The following SELENOK variants were observed in gnomAD, a reference collection of about 807,000 sequenced individuals.
SELENOK encodes selenoprotein K.
Under a neutral mutation model 17.3 loss-of-function variants are expected in SELENOK, and 11 were observed. The observed-to-expected ratio is 0.63, with a 90% CI of 0.40 to 1.05. SELENOK has a LOEUF of 1.05. SELENOK is among the 50% of genes least tolerant of loss of function. The pLI is 0.00. For synonymous variants in SELENOK, 45 were observed against 35.4 expected, an observed-to-expected ratio of 1.27 and a Z score of -0.97; for missense variants, 125 against 113.9, an observed-to-expected ratio of 1.10 and a Z score of -0.44.
chr3:53,889,097 T>G (rs1481108297), intron 1 of SELENOK, among the ~76,000 whole-genome samples: 1 of 152,074 alleles, frequency 6.6e-6, no homozygotes, highest in African/African-American at 2.4e-5. Context: ...AAACAAAAAT[T>G]TATCATGGTT....
intron 2 of SELENOK, 68 bp from the exon 3 acceptor site, chr3:53,887,002 T>G: frequency 8.2e-7 from 1 of 1,220,562 alleles, no homozygotes; most frequent in Non-Finnish European, 1.1e-6. Context: ...ATTTCCATGT[T>G]TTTTAACCAT....
At chr3:53,887,151 TTTC>T (rs2107089101) in intron 2 of SELENOK, among the ~76,000 whole-genome samples, 1 of 152,340 alleles carries the variant, frequency 6.6e-6, no homozygotes, top group South Asian at 2.1e-4. Flanking sequence ...CTTCCTTGTA[TTTC>T]TTATTTGCTA....
intron 3 of SELENOK, among the ~76,000 whole-genome samples, chr3:53,886,623 A>T (rs1336317426): frequency 1.3e-5 from 2 of 152,172 alleles, no homozygotes; most frequent in Admixed American, 6.5e-5. Flanking sequence ...TTCACCCTCT[A>T]ATTTAGACTT....
rs1700115024 is a variant in SELENOK at position 53,885,201 on chromosome 3, C to T, written c.*357G>A. 1.1e-5 allele frequency: 2 copies of T among 181,162 alleles called. No individual in the cohort carries two copies. The highest frequency in any genetic ancestry group is 4.7e-5 in the African/African-American group (2 of 42,558). 11.2% of individuals were successfully genotyped at this position (181,162 alleles called of 1,614,324 possible). ...AGTTGAAAAGGTGACACTAACAGTG[C>T]TAAATACACAGGCTTTTATTTGTTT... On this transcript the variant is annotated 3_prime_UTR_variant, in exon 5 of 5. Coordinates refer to ENST00000495461, the MANE Select transcript of SELENOK (RefSeq NM_021237.5).
rs1700142352 is a variant in SELENOK at position 53,888,448 on chromosome 3, T to C, written c.55A>G (p.Arg19Gly). ...AAGAAATCTGTTATCAAAGATAATC[T>C]CCATGGAGACTGACTCCGGCTGTCC... ...VLDSRSQSPWRLSLITDFFWG... is the reference protein window; with the variant it reads ...VLDSRSQSPWGLSLITDFFWG... The change falls in exon 2 of 5, where the codon AGA (arginine) becomes GGA (glycine). Residue 19 changes from arginine to glycine, a missense_variant. By Grantham distance (125) the Arg-to-Gly change is moderately radical. Coordinates refer to ENST00000495461, the MANE Select transcript of SELENOK (RefSeq NM_021237.5). 1 of 1,612,328 alleles carries C rather than the reference T, an allele frequency of 6.2e-7. No individual in the cohort carries two copies. Among genetic ancestry groups the C allele is most frequent in the Non-Finnish European group, 8.5e-7 (1 of 1,179,618 alleles).
At chr3:53,886,426 G>A (rs1256978156) in intron 3 of SELENOK, among the ~76,000 whole-genome samples, 1 of 152,142 alleles carries the variant, frequency 6.6e-6, no homozygotes, top group African/African-American at 2.4e-5. Context: ...AGTAGAGACG[G>A]GGTTTCATCA....
intron 2 of SELENOK, among the ~76,000 whole-genome samples, chr3:53,887,808 T>C (rs770880194): frequency 3.9e-5 from 6 of 152,222 alleles, no homozygotes; most frequent in Non-Finnish European, 7.3e-5. Flanking sequence ...CTCAAATATA[T>C]ATTCAAATTT....
chr3:53,884,968 T>G lies in SELENOK; in HGVS notation c.*590A>C, dbSNP rs1700113719. The G allele has an allele frequency of 6.6e-6, 1 of 152,262 alleles. No individual in the cohort carries two copies. The highest frequency in any genetic ancestry group is 1.5e-5 in the Non-Finnish European group (1 of 68,044). The allele number at this position is 152,262 out of a possible 1,614,324, so 9.4% of individuals were successfully genotyped here. A position where few individuals can be genotyped will look rare whatever the true frequency, so the allele number is the denominator to read the frequency against. On this transcript the variant is annotated 3_prime_UTR_variant, in exon 5 of 5. Transcript: ENST00000495461. The stretch of plus-strand genomic sequence containing the variant: ...TAAAAACTATTTAGTAAATTTTCAT[T>G]TTGTAGCTCAGTTTTGTTAGCTATG...
Position 53,891,756 on chromosome 3 carries a change from C to T in SELENOK, c.19+14G>A. ...CAAGTCACCGGTCGAAGCCACAGCC[C>T]GCTCTCAACTTACCGTTCGAGATGT... On this transcript the variant is annotated intron_variant, in intron 1 of 4. Coordinates refer to ENST00000495461, the MANE Select transcript of SELENOK (RefSeq NM_021237.5). The T allele has an allele frequency of 6.2e-7, 1 of 1,613,826 alleles. No individual in the cohort carries two copies. The highest frequency in any genetic ancestry group is 8.5e-7 in the Non-Finnish European group (1 of 1,179,700).
At chr3:53,891,587 G>C (rs1348821911) in intron 1 of SELENOK, among the ~76,000 whole-genome samples, 183 bp downstream of exon 1, 3 of 152,176 alleles carry the variant, frequency 2.0e-5, no homozygotes, top group African/African-American at 7.2e-5. Context: ...CCGACTGCCG[G>C]CTCAGAGACC....
At position 53,885,220 on chromosome 3, in the gene SELENOK, TTTG is replaced by T; in HGVS notation, c.*335_*337del. On this transcript the variant is annotated 3_prime_UTR_variant, in exon 5 of 5. Transcript: ENST00000495461. ...ACAGTGCTAAATACACAGGCTTTTATTTGTTTTCTTCAGATTGCTTTTTCGTGA... is the reference window on the plus strand; with the variant it reads ...ACAGTGCTAAATACACAGGCTTTTATTTTTCTTCAGATTGCTTTTTCGTGA... 5.0e-6 allele frequency: 1 copy of T among 199,308 alleles called. No individual in the cohort carries two copies. Among genetic ancestry groups the T allele is most frequent in the Non-Finnish European group, 1.0e-5 (1 of 99,470 alleles). The allele number at this position is 199,308 out of a possible 1,614,324, so 12.3% of individuals were successfully genotyped here.
chr3:53,888,518 C>T, intron 1 of SELENOK, 35 bp from the exon 2 acceptor site: 1 of 1,375,100 alleles, frequency 7.3e-7, no homozygotes, highest in Non-Finnish European at 1.0e-6. Flanking sequence ...TTAGTGAGTG[C>T]TACAAATCCC....
In SELENOK at chr3:53,886,869, C is replaced by G; in HGVS notation, c.176G>C (p.Arg59Thr). The part of the protein sequence containing the change: ...RRSYGNSSDS[R>T]YDDGRGPPGN... The stretch of plus-strand genomic sequence containing the variant: ...GCTGTACCCTCTTCCATCATCATAT[C>G]TGGAATCAGATGAGTTTCCATAGCT... Residue 59 changes from arginine (R) to threonine (T), a missense_variant, in exon 3 of 5, where the codon AGA becomes ACA. By Grantham distance (71) the Arg-to-Thr change is moderately conservative. Coordinates refer to ENST00000495461, the MANE Select transcript of SELENOK (RefSeq NM_021237.5). The G allele has an allele frequency of 6.4e-7, 1 of 1,565,526 alleles. No individual in the cohort carries two copies. The highest frequency in any genetic ancestry group is 8.7e-7 in the Non-Finnish European group (1 of 1,152,906).
At chr3:53,888,539 G>A in intron 1 of SELENOK, 56 bp from the exon 2 acceptor site, 3 of 1,175,150 alleles carry the variant, frequency 2.6e-6, no homozygotes, top group Non-Finnish European at 3.8e-6. Context: ...TAACCCAAGA[G>A]GCATCACATT....
At chr3:53,891,656 C>A in intron 1 of SELENOK, 114 bp downstream of exon 1, 2 of 1,389,298 alleles carry the variant, frequency 1.4e-6, no homozygotes, top group Non-Finnish European at 2.0e-6. Context: ...GGCCGCGGGG[C>A]GCTAAGCCCG....
In SELENOK at chr3:53,885,880, C is replaced by T. The variant is rs1439574025; in HGVS notation, c.227G>A (p.Arg76Lys). The change falls in exon 4 of 5, where the codon AGA becomes AAA. Residue 76 changes from arginine (R) to lysine (K), a missense_variant. Physicochemically the swap from Arg to Lys is conservative, Grantham distance 26 (BLOSUM62 2). Transcript: ENST00000495461. Reference sequence around the variant, plus strand: ...ACTAGGGCCACGCAGATGATTGATTCTACCCATTCTTCGGGGAGGGTTTCC... The same window carrying T: ...ACTAGGGCCACGCAGATGATTGATTTTACCCATTCTTCGGGGAGGGTTTCC... ...PPGNPPRRMGRINHLRGPSPP... is the reference protein window; with the variant it reads ...PPGNPPRRMGKINHLRGPSPP... 6.4e-7 allele frequency: 1 copy of T among 1,560,988 alleles called. No homozygotes were observed. The highest frequency in any genetic ancestry group is 8.6e-7 in the Non-Finnish European group (1 of 1,158,960).
chr3:53,890,633 AAGGCTATAAAAC>A (rs1309126423), intron 1 of SELENOK, among the ~76,000 whole-genome samples: 7 of 152,262 alleles, frequency 4.6e-5, no homozygotes, highest in African/African-American at 1.4e-4. Context: ...TTATATCACA[AAGGCTATAAAAC>A]AGGCTATAAA....
intron 4 of SELENOK, 21 bp from the exon 5 acceptor site, chr3:53,885,582 A>G: frequency 6.2e-7 from 1 of 1,607,030 alleles, no homozygotes; most frequent in Non-Finnish European, 8.5e-7. Context: ...ATGTTACAAT[A>G]ATTAGTTACT....
chr3:53,886,813 G>T, intron 3 of SELENOK, 38 bp downstream of exon 3: 3 of 1,267,768 alleles, frequency 2.4e-6, no homozygotes, highest in South Asian at 1.5e-5. Flanking sequence ...GGTATACAAA[G>T]ACATAAAAAC....
Sources: allele counts gnomAD v4.1 joint callset (sites outside exome capture counted in the v4.1 genomes callset), GRCh38; gene constraint gnomAD v4.1.1; transcripts MANE v1.5; gene names NCBI Gene and HGNC (gene_info 2026-07-23, HGNC 2026-07-21).